SULT1B1: variants seen among roughly 807,000 people sequenced by gnomAD.
SULT1B1 encodes sulfotransferase 1B1.
A neutral mutation model predicts 34.6 loss-of-function variants in SULT1B1; 28 were observed. That is an observed-to-expected ratio of 0.81 (90% confidence interval 0.60 to 1.11). The LOEUF (loss-of-function observed/expected upper bound fraction) is 1.11, where lower values mean the gene tolerates loss of function less well. Among genes scored for constraint, SULT1B1 ranks in the 50% least tolerant of loss-of-function variants. The pLI, the probability that SULT1B1 is intolerant of heterozygous loss-of-function variation, is 0.00. For synonymous variants in SULT1B1, 147 were observed against 110.2 expected (o/e 1.33, Z -2.09); for missense variants, 374 against 352.2 (o/e 1.06, Z -0.50).
intron 4 of SULT1B1, among the ~76,000 whole-genome samples, chr4:69,740,932 C>G (rs75342599): frequency 0.027 from 4,113 of 152,082 alleles, 182 homozygotes; most frequent in African/African-American, 0.094. Context: ...TTGCAATTGC[C>G]TTTAGAGTCT....
intron 7 of SULT1B1, among the ~76,000 whole-genome samples, chr4:69,729,006 A>G (rs896937854): frequency 6.6e-6 from 1 of 152,090 alleles, no homozygotes; most frequent in African/African-American, 2.4e-5. Flanking sequence ...GAGAAGCCAT[A>G]GAATCCAGAT....
rs952465314 is a variant in SULT1B1, at chr4:69,726,838, G to A, written c.*250C>T. The A allele has an allele frequency of 3.0e-6, 1 of 338,744 alleles. No individual in the cohort carries two copies. The allele number at this position is 338,744 out of a possible 1,614,324, so 21.0% of individuals were successfully genotyped here. A position where few individuals can be genotyped will look rare whatever the true frequency, so the allele number is the denominator to read the frequency against. On this transcript the variant is annotated 3_prime_UTR_variant, in exon 8 of 8. Coordinates refer to ENST00000310613, the MANE Select transcript of SULT1B1 (RefSeq NM_014465.4). ...GTACTAGTGTAGAAAAAGGCAGGAA[G>A]AGCCTGTGGTTACATTGTTCCTTTG...
intron 3 of SULT1B1, among the ~76,000 whole-genome samples, 171 bp from the exon 4 acceptor site, chr4:69,749,989 T>TC (rs1334014509): frequency 6.6e-6 from 1 of 152,150 alleles, no homozygotes; most frequent in African/African-American, 2.4e-5. Context: ...TGTGTAACAT[T>TC]CAAGGATACA....
intron 3 of SULT1B1, among the ~76,000 whole-genome samples, chr4:69,750,511 C>T (rs1718939369): frequency 6.6e-6 from 1 of 152,106 alleles, no homozygotes; most frequent in African/African-American, 2.4e-5. Flanking sequence ...TACTTATATA[C>T]AGTCTAAACT....
Position 69,733,517 on chromosome 4 carries a change from G to C in SULT1B1, c.503-10C>G, listed in dbSNP as rs371667271. On this transcript the variant is annotated splice_polypyrimidine_tract_variant and intron_variant, in intron 5 of 7. Transcript: ENST00000310613. The stretch of plus-strand genomic sequence containing the variant: ...CAGGAACCATAGGCCACTAAAACCA[G>C]ATAAAAGTCTATTTTCATAAACATT... 7.7e-6 allele frequency: 12 copies of C among 1,554,796 alleles called. No homozygotes were observed. Among genetic ancestry groups the C allele is most frequent in the Middle Eastern group, 1.7e-4 (1 of 5,852 alleles).
chr4:69,744,111 C>G (rs1381891145), intron 4 of SULT1B1, among the ~76,000 whole-genome samples: 1 of 152,182 alleles, frequency 6.6e-6, no homozygotes, highest in Non-Finnish European at 1.5e-5. Context: ...GGGCCCAGCT[C>G]TGCCTTGGAA....
chr4:69,754,960 A>G, intron 2 of SULT1B1, 110 bp downstream of exon 2: 4 of 1,262,626 alleles, frequency 3.2e-6, no homozygotes, highest in Non-Finnish European at 4.5e-6. Flanking sequence ...AGATGGCTGC[A>G]CAAAATGAAT....
chr4:69,747,029 T>G (rs1718774169), intron 4 of SULT1B1, among the ~76,000 whole-genome samples: 1 of 152,198 alleles, frequency 6.6e-6, no homozygotes, highest in South Asian at 2.1e-4. Flanking sequence ...CGAGAACCTT[T>G]GCTTTGTTCT....
At chr4:69,743,813 C>T (rs139415630) in intron 4 of SULT1B1, among the ~76,000 whole-genome samples, 6 of 152,172 alleles carry the variant, frequency 3.9e-5, no homozygotes, top group East Asian at 1.9e-4. Context: ...GTGTGTTCCG[C>T]GAGCGGGTAG....
intron 4 of SULT1B1, among the ~76,000 whole-genome samples, chr4:69,748,937 T>C (rs1170669249): frequency 6.6e-6 from 1 of 152,036 alleles, no homozygotes; most frequent in East Asian, 1.9e-4. Flanking sequence ...TATCAGTTCC[T>C]ACTTAAAGAG....
intron 4 of SULT1B1, among the ~76,000 whole-genome samples, chr4:69,747,266 C>T (rs1356826655): frequency 6.6e-6 from 1 of 152,190 alleles, no homozygotes; most frequent in Non-Finnish European, 1.5e-5. Flanking sequence ...GGGTAGGCTG[C>T]AGGTTACTGA....
chr4:69,738,884 GA>G (rs1206364774), intron 4 of SULT1B1, among the ~76,000 whole-genome samples: 1 of 151,872 alleles, frequency 6.6e-6, no homozygotes, highest in Non-Finnish European at 1.5e-5. Flanking sequence ...TTCCAAATGG[GA>G]AAAAAATGGT....
rs1454798970 is a variant in SULT1B1, at chr4:69,724,895, T to A, written c.*2193A>T. 4 of 152,190 alleles carry A rather than the reference T, an allele frequency of 2.6e-5. No homozygotes were observed. The highest frequency in any genetic ancestry group is 9.7e-5 in the African/African-American group (4 of 41,446). The allele number at this position is 152,190 out of a possible 1,614,324, so 9.4% of individuals were successfully genotyped here. A position where few individuals can be genotyped will look rare whatever the true frequency, so the allele number is the denominator to read the frequency against. ...TCAAGATGGATTAAAGACTTAAATG[T>A]AAGACCTAAAACCATAAAAACCCTA... is the stretch of plus-strand genomic sequence containing the variant. On this transcript the variant is annotated 3_prime_UTR_variant, in exon 8 of 8. Transcript: ENST00000310613.
intron 4 of SULT1B1, among the ~76,000 whole-genome samples, chr4:69,741,076 G>A (rs1178156641): frequency 2.0e-5 from 3 of 152,104 alleles, no homozygotes; most frequent in Non-Finnish European, 4.4e-5. Flanking sequence ...ATGGTAATAA[G>A]GGCTCCAGTT....
chr4:69,734,871 T>G (rs1718238075), intron 4 of SULT1B1, among the ~76,000 whole-genome samples: 2 of 145,168 alleles, frequency 1.4e-5, no homozygotes, highest in Non-Finnish European at 3.0e-5. Context: ...CAGGCTGGAG[T>G]GCAGTGGTGC....
At position 69,722,827 on chromosome 4, in the gene SULT1B1, A is replaced by C. The variant is rs1717697902; in HGVS notation, c.*4261T>G. 1 of 151,986 alleles carries C rather than the reference A, an allele frequency of 6.6e-6. No homozygotes were observed. Among genetic ancestry groups the C allele is most frequent in the African/African-American group, 2.4e-5 (1 of 41,394 alleles). 9.4% of individuals were successfully genotyped at this position (151,986 alleles called of 1,614,324 possible). A position where few individuals can be genotyped will look rare whatever the true frequency, so the allele number is the denominator to read the frequency against. ...CATAGCTACCTCAGTTGTGGCTCAGAAAGTCTAACAGTATGTCCAAAACCA... is the reference window on the plus strand; with the variant it reads ...CATAGCTACCTCAGTTGTGGCTCAGCAAGTCTAACAGTATGTCCAAAACCA... On this transcript the variant is annotated 3_prime_UTR_variant, in exon 8 of 8. Coordinates refer to ENST00000310613, the MANE Select transcript of SULT1B1 (RefSeq NM_014465.4).
rs1196352678 is a variant in SULT1B1, at chr4:69,726,398, G to A, written c.*690C>T. The A allele has an allele frequency of 6.6e-6, 1 of 151,924 alleles. No homozygotes were observed. The highest frequency in any genetic ancestry group is 1.5e-5 in the Non-Finnish European group (1 of 67,970). The allele number at this position is 151,924 out of a possible 1,614,324, so 9.4% of individuals were successfully genotyped here. On this transcript the variant is annotated 3_prime_UTR_variant, in exon 8 of 8. Coordinates refer to ENST00000310613, the MANE Select transcript of SULT1B1 (RefSeq NM_014465.4). Reference sequence around the variant, plus strand: ...GGAAAAAGAGGACTCCCCATAAGAAGTAGGTCACAGCCCTCAGGGCTGCTT... The same window carrying A: ...GGAAAAAGAGGACTCCCCATAAGAAATAGGTCACAGCCCTCAGGGCTGCTT...
chr4:69,745,273 G>A (rs1163023858), intron 4 of SULT1B1, among the ~76,000 whole-genome samples: 1 of 152,096 alleles, frequency 6.6e-6, no homozygotes, highest in Admixed American at 6.5e-5. Context: ...TGAGTGTCTT[G>A]CCTTGATGAT....
chr4:69,743,875 G>C (rs1045598104), intron 4 of SULT1B1, among the ~76,000 whole-genome samples: 3 of 152,198 alleles, frequency 2.0e-5, no homozygotes, highest in African/African-American at 7.2e-5. Context: ...CAAGGTGGGG[G>C]CCTTCCTTGG....
Sources: allele counts gnomAD v4.1 joint callset (sites outside exome capture counted in the v4.1 genomes callset), GRCh38; gene constraint gnomAD v4.1.1; transcripts MANE v1.5; gene names NCBI Gene and HGNC (gene_info 2026-07-23, HGNC 2026-07-21).